STIM1: variants seen among roughly 807,000 people sequenced by gnomAD.
STIM1 encodes the protein stromal interaction molecule 1.
Under a neutral mutation model 74.7 loss-of-function variants are expected in STIM1, and 25 were observed. The ratio of observed to expected loss-of-function variants is 0.33; its 90% CI spans 0.24 to 0.47. The LOEUF (loss-of-function observed/expected upper bound fraction) is 0.47, where lower values mean the gene tolerates loss of function less well. Among genes scored for constraint, STIM1 ranks in the 20% least tolerant of loss-of-function variants. The probability of loss-of-function intolerance (pLI) is 1.00; values close to 1 mark genes in which losing one functional copy is unlikely to be tolerated. For missense variants in STIM1, 728 were observed against 920.8 expected (o/e 0.79, Z 2.71); for synonymous variants, 328 against 348.8 (o/e 0.94, Z 0.66).
At chr11:4,076,485 C>CAAAAAAAAAAAA (rs58804386) in intron 7 of STIM1, among the ~76,000 whole-genome samples, 5 of 40,762 alleles carry the variant, frequency 1.2e-4, no homozygotes, top group African/African-American at 4.5e-4. Context: ...GACTCCATCT[C>CAAAAAAAAAAAA]AAAAAAAAAA....
At chr11:3,915,483 C>T (rs562236866) in intron 1 of STIM1, among the ~76,000 whole-genome samples, 5 of 151,734 alleles carry the variant, frequency 3.3e-5, no homozygotes, top group Middle Eastern at 3.4e-3. Context: ...CTGCAAGCTC[C>T]GCCTCCCGGG....
At chr11:3,991,043 A>G (rs1343238756) in intron 2 of STIM1, among the ~76,000 whole-genome samples, 1 of 152,160 alleles carries the variant, frequency 6.6e-6, no homozygotes, top group Non-Finnish European at 1.5e-5. Context: ...CCCACTTACA[A>G]GTGAGAACAT....
chr11:4,079,287 C>T (rs1384844548), intron 7 of STIM1, among the ~76,000 whole-genome samples: 2 of 150,002 alleles, frequency 1.3e-5, no homozygotes, highest in South Asian at 4.2e-4. Flanking sequence ...AGCAAGACTC[C>T]GGCTGGGCAC....
intron 7 of STIM1, among the ~76,000 whole-genome samples, chr11:4,079,219 A>G (rs375099440): frequency 1.6e-3 from 241 of 152,138 alleles, no homozygotes; most frequent in African/African-American, 5.4e-3. Flanking sequence ...TGAACCTGGG[A>G]GGCGGAGCTT....
chr11:4,069,220 T>C (rs2094387947), intron 5 of STIM1, among the ~76,000 whole-genome samples: 1 of 152,170 alleles, frequency 6.6e-6, no homozygotes, highest in Non-Finnish European at 1.5e-5. Flanking sequence ...GGCTAAGTTT[T>C]TAGGATGTGG....
At chr11:4,041,737 G>A (rs554230982) in intron 3 of STIM1, among the ~76,000 whole-genome samples, 56 of 152,084 alleles carry the variant, frequency 3.7e-4, no homozygotes, top group African/African-American at 1.1e-3. Flanking sequence ...CTACAGGTGC[G>A]CGCCATCACA....
chr11:3,911,731 G>T (rs1213582891), intron 1 of STIM1, among the ~76,000 whole-genome samples: 2 of 152,130 alleles, frequency 1.3e-5, no homozygotes, highest in Admixed American at 1.3e-4. Flanking sequence ...CATAGCTCCA[G>T]TGTCACCACT....
At chr11:3,855,545 G>A (rs1323674525), upstream of STIM1, 1 of 150,526 alleles carries the variant, frequency 6.6e-6, no homozygotes, top group African/African-American at 2.4e-5. Context: ...GTTATTCCGG[G>A]ATCCAGCTGG....
chr11:3,906,204 T>TG (rs994414144), intron 1 of STIM1, among the ~76,000 whole-genome samples: 2 of 152,240 alleles, frequency 1.3e-5, no homozygotes, highest in African/African-American at 4.8e-5. Flanking sequence ...TTTGGCACAG[T>TG]GGTAGGCTTC....
At chr11:3,904,335 G>T (rs903349125) in intron 1 of STIM1, among the ~76,000 whole-genome samples, 4 of 152,066 alleles carry the variant, frequency 2.6e-5, no homozygotes, top group African/African-American at 9.7e-5. Flanking sequence ...GCATATTCTG[G>T]GCAGTGTGAC....
intron 2 of STIM1, among the ~76,000 whole-genome samples, chr11:3,968,686 C>A (rs1434137099): frequency 6.6e-6 from 1 of 152,106 alleles, no homozygotes; most frequent in African/African-American, 2.4e-5. Context: ...AACTTAAAGT[C>A]TAGTGAAGAG....
intron 3 of STIM1, among the ~76,000 whole-genome samples, chr11:4,028,975 C>T (rs546072203): frequency 6.6e-6 from 1 of 151,986 alleles, no homozygotes; most frequent in Non-Finnish European, 1.5e-5. Flanking sequence ...ATCATGAGGT[C>T]AGGAGTTCAA....
chr11:3,985,643 A>G (rs2093551876), intron 2 of STIM1, among the ~76,000 whole-genome samples: 1 of 152,232 alleles, frequency 6.6e-6, no homozygotes, highest in Admixed American at 6.5e-5. Context: ...AGTGGTAGGC[A>G]GAATGCAGGT....
intron 1 of STIM1, among the ~76,000 whole-genome samples, chr11:3,909,796 A>T (rs77863240): frequency 2.7e-3 from 7 of 2,560 alleles, no homozygotes; most frequent in Admixed American, 9.8e-3. Flanking sequence ...CATCTCAAAG[A>T]AAAAAAAAAA....
chr11:3,936,747 C>A (rs930026485), intron 1 of STIM1, among the ~76,000 whole-genome samples: 10 of 152,120 alleles, frequency 6.6e-5, no homozygotes, highest in Admixed American at 1.3e-4. Flanking sequence ...GCCTTGAAAT[C>A]CAATCCTTTG....
intron 1 of STIM1, among the ~76,000 whole-genome samples, chr11:3,884,719 T>C (rs542468457): frequency 6.6e-6 from 1 of 151,348 alleles, no homozygotes; most frequent in Admixed American, 6.6e-5. Context: ...GAGGTGGAGG[T>C]TGTGGTGAGC....
intron 1 of STIM1, among the ~76,000 whole-genome samples, chr11:3,893,592 A>G (rs1197009445): frequency 3.9e-5 from 6 of 152,214 alleles, no homozygotes; most frequent in Middle Eastern, 6.8e-3. Context: ...CTTGCTCATT[A>G]GCAATATTAT....
intron 1 of STIM1, among the ~76,000 whole-genome samples, chr11:3,935,626 T>A (rs990839138): frequency 1.3e-5 from 2 of 152,230 alleles, no homozygotes; most frequent in African/African-American, 4.8e-5. Flanking sequence ...TCACTGGACA[T>A]CTTTGGCTTT....
At chr11:3,912,376 T>G (rs1292049275) in intron 1 of STIM1, among the ~76,000 whole-genome samples, 1 of 151,596 alleles carries the variant, frequency 6.6e-6, no homozygotes, top group Non-Finnish European at 1.5e-5. Context: ...AATAAATTTT[T>G]TTTTTTGAGA....
Sources: gnomAD v4.1 joint callset for allele counts (sites outside exome capture counted in the v4.1 genomes callset) on GRCh38, gnomAD v4.1.1 for gene constraint, MANE v1.5 for transcripts, NCBI Gene and HGNC (gene_info 2026-07-23, HGNC 2026-07-21) for gene names.